Variants in FHIT observed in about 807,000 individuals in gnomAD.
The protein encoded by FHIT is bis(5'-adenosyl)-triphosphatase.
Under a neutral mutation model 17.9 loss-of-function variants are expected in FHIT, and 19 were observed. That is an observed-to-expected ratio of 1.06 (90% CI 0.74 to 1.56). The LOEUF is 1.56. Among genes scored for constraint, FHIT ranks in the 40% most tolerant of loss-of-function variants. The pLI is 0.00. For synonymous variants in FHIT, 81 were observed against 69.7 expected (o/e 1.16, Z -0.81); for missense variants, 248 against 189.2 (o/e 1.31, Z -1.82).
chr3:59,758,225 T>TAAAC (rs960349807), intron 8 of FHIT, among the ~76,000 whole-genome samples: 1 of 152,178 alleles, frequency 6.6e-6, no homozygotes, highest in African/African-American at 2.4e-5. Context: ...ACAGCTTCGT[T>TAAAC]AAACACATGA....
At chr3:60,706,672 G>T (rs1331868632) in intron 4 of FHIT, among the ~76,000 whole-genome samples, 1 of 152,224 alleles carries the variant, frequency 6.6e-6, no homozygotes, top group East Asian at 1.9e-4. Flanking sequence ...CAAAAAGGAA[G>T]AAAAAATATT....
intron 5 of FHIT, among the ~76,000 whole-genome samples, chr3:60,291,718 T>C (rs1029959919): frequency 2.6e-5 from 4 of 152,126 alleles, no homozygotes; most frequent in African/African-American, 9.7e-5. Context: ...GTGTCAAAAT[T>C]ATCCATATTT....
At chr3:60,775,271 A>G (rs1700181663) in intron 4 of FHIT, among the ~76,000 whole-genome samples, 2 of 152,334 alleles carry the variant, frequency 1.3e-5, no homozygotes, top group East Asian at 1.9e-4. Context: ...TTGAAGGAGC[A>G]GGGACAACCA....
At chr3:59,965,501 T>C (rs949017461) in intron 7 of FHIT, among the ~76,000 whole-genome samples, 5 of 152,184 alleles carry the variant, frequency 3.3e-5, no homozygotes, top group Admixed American at 6.6e-5. Context: ...CTGTGTCTTC[T>C]TCCAGCTAGA....
intron 5 of FHIT, among the ~76,000 whole-genome samples, chr3:60,401,184 A>T (rs1173296312): frequency 6.6e-6 from 1 of 152,182 alleles, no homozygotes; most frequent in Non-Finnish European, 1.5e-5. Context: ...ATTGCTCAGA[A>T]GATTTTTAGT....
intron 2 of FHIT, among the ~76,000 whole-genome samples, chr3:61,158,112 T>C (rs529396809): frequency 6.6e-6 from 1 of 152,312 alleles, no homozygotes; most frequent in African/African-American, 2.4e-5. Context: ...ATAACAATAA[T>C]CATTCATATT....
chr3:60,179,268 C>T (rs186008598), intron 5 of FHIT, among the ~76,000 whole-genome samples: 97 of 152,322 alleles, frequency 6.4e-4, no homozygotes, highest in Non-Finnish European at 1.1e-3. Context: ...ACACAGCCCA[C>T]TCACGGTCCC....
chr3:60,729,568 T>C (rs891512273), intron 4 of FHIT, among the ~76,000 whole-genome samples: 7 of 152,132 alleles, frequency 4.6e-5, no homozygotes, highest in African/African-American at 1.7e-4. Flanking sequence ...TGAGCATGCA[T>C]AGAAAATGTC....
At chr3:60,555,991 G>A (rs967688684) in intron 4 of FHIT, among the ~76,000 whole-genome samples, 4 of 152,172 alleles carry the variant, frequency 2.6e-5, no homozygotes, top group African/African-American at 4.8e-5. Context: ...ACTGGCTATT[G>A]CCTTCCTTAT....
intron 3 of FHIT, among the ~76,000 whole-genome samples, chr3:60,895,379 T>C (rs952531604): frequency 1.3e-5 from 2 of 152,196 alleles, no homozygotes; most frequent in South Asian, 2.1e-4. Context: ...ATTACCTCAC[T>C]GTATGTGTGT....
intron 4 of FHIT, among the ~76,000 whole-genome samples, chr3:60,768,564 A>G (rs1206786426): frequency 1.1e-4 from 16 of 152,240 alleles, no homozygotes; most frequent in Non-Finnish European, 1.9e-4. Context: ...CACTTGCTAG[A>G]AACATCAATA....
chr3:61,019,416 G>C (rs1057154094), intron 3 of FHIT, among the ~76,000 whole-genome samples: 1 of 152,152 alleles, frequency 6.6e-6, no homozygotes, highest in Non-Finnish European at 1.5e-5. Context: ...ACAGGTGGGA[G>C]TAAGGAAGGA....
At chr3:59,763,859 T>A (rs1559583453) in intron 8 of FHIT, among the ~76,000 whole-genome samples, 1 of 152,122 alleles carries the variant, frequency 6.6e-6, no homozygotes, top group African/African-American at 2.4e-5. Flanking sequence ...GAAGATGAGG[T>A]GGAGAAGTGG....
intron 3 of FHIT, among the ~76,000 whole-genome samples, chr3:60,932,768 A>G (rs996050887): frequency 1.3e-5 from 2 of 151,782 alleles, no homozygotes; most frequent in African/African-American, 2.4e-5. Context: ...CTCTCTTCCA[A>G]CCTCTCAGTT....
At chr3:61,206,684 C>T (rs201504194) in intron 1 of FHIT, among the ~76,000 whole-genome samples, 2 of 151,374 alleles carry the variant, frequency 1.3e-5, no homozygotes, top group South Asian at 2.1e-4. Flanking sequence ...CTGAGACTTT[C>T]CTGAAGTTGC....
At chr3:60,043,398 A>G (rs921859247) in intron 5 of FHIT, among the ~76,000 whole-genome samples, 1 of 152,330 alleles carries the variant, frequency 6.6e-6, no homozygotes, top group Admixed American at 6.5e-5. Context: ...TTTTTCTAGC[A>G]CCGTGCCAGG....
chr3:61,185,693 A>G (rs2038486803), intron 2 of FHIT, among the ~76,000 whole-genome samples: 1 of 152,214 alleles, frequency 6.6e-6, no homozygotes, highest in Non-Finnish European at 1.5e-5. Flanking sequence ...GTTGAATGGA[A>G]AAAGCAGTAT....
chr3:60,438,175 T>A (rs193282114), intron 5 of FHIT, among the ~76,000 whole-genome samples: 1 of 152,036 alleles, frequency 6.6e-6, no homozygotes, highest in African/African-American at 2.4e-5. Context: ...CTATCTCCAG[T>A]AGGGAACTTC....
At chr3:60,245,974 TA>T (rs1002818525) in intron 5 of FHIT, among the ~76,000 whole-genome samples, 7 of 152,098 alleles carry the variant, frequency 4.6e-5, no homozygotes, top group South Asian at 2.1e-4. Flanking sequence ...TCAAAAGATA[TA>T]AAAAAAATTT....
Sources: gnomAD v4.1 joint callset for allele counts (sites outside exome capture counted in the v4.1 genomes callset) on GRCh38, gnomAD v4.1.1 for gene constraint, MANE v1.5 for transcripts, NCBI Gene and HGNC (gene_info 2026-07-23, HGNC 2026-07-21) for gene names.